Variants in EDN2 observed in about 807,000 individuals in gnomAD.
EDN2 encodes the protein endothelin 2.
EDN2 carries 10 observed loss-of-function variants against 19.9 expected under a neutral mutation model. The ratio of observed to expected loss-of-function variants is 0.50; its 90% CI spans 0.31 to 0.85. The LOEUF (loss-of-function observed/expected upper bound fraction) is 0.85. EDN2 is among the 40% of genes least tolerant of loss of function. The pLI, the probability that EDN2 is intolerant of heterozygous loss-of-function variation, is 0.05. For synonymous variants in EDN2, 84 were observed against 94.9 expected (o/e 0.89, Z 0.67); for missense variants, 222 against 239.3 (o/e 0.93, Z 0.48).
At position 41,479,359 on chromosome 1, in the gene EDN2, C is replaced by T. The variant is rs1371003177; in HGVS notation, c.*50G>A. 6.7e-6 allele frequency: 10 copies of T among 1,500,174 alleles called. No homozygotes were observed. The highest frequency in any genetic ancestry group is 9.3e-6 in the Non-Finnish European group (10 of 1,077,660). The allele number at this position is 1,500,174 out of a possible 1,614,324, so 92.9% of individuals were successfully genotyped here. On this transcript the variant is annotated 3_prime_UTR_variant, in exon 5 of 5. Transcript: ENST00000372587. ...TCCACAAGCCCTGGCCACTTCTCTCCTCCTCTCTCCCCGCGGGCTTCCTTC... is the reference window on the plus strand; with the variant it reads ...TCCACAAGCCCTGGCCACTTCTCTCTTCCTCTCTCCCCGCGGGCTTCCTTC...
chr1:41,479,646 C>G, intron 4 of EDN2, 144 bp from the exon 5 acceptor site: 1 of 683,764 alleles, frequency 1.5e-6, no homozygotes, highest in East Asian at 2.7e-5. Flanking sequence ...TGACCACAGC[C>G]TGAAAACAAG....
At chr1:41,480,648 G>C in intron 4 of EDN2, 1 of 456,108 alleles carries the variant, frequency 2.2e-6, no homozygotes, top group Non-Finnish European at 4.4e-6. Context: ...TCTTGAGTTG[G>C]TTTGGTTGAA....
Position 41,484,141 on chromosome 1 carries a change from G to A in EDN2, c.127C>T (p.His43Tyr). The A allele has an allele frequency of 6.2e-7, 1 of 1,613,624 alleles. No homozygotes were observed. The highest frequency in any genetic ancestry group is 1.1e-5 in the South Asian group (1 of 91,058). The change falls in exon 2 of 5, where the codon CAC (histidine) becomes TAC (tyrosine). Residue 43 changes from histidine to tyrosine, a missense_variant. Coordinates refer to ENST00000372587, the MANE Select transcript of EDN2 (RefSeq NM_001956.5). ...PASSSHAQGT[H>Y]LRLRRCSCSS... is the part of the protein sequence containing the mutation. Reference sequence around the variant, plus strand: ...CAGGAGCAACGGCGAAGCCGAAGGTGGGTGCCTTGGGCATGAGATGAGGAC... The same window carrying A: ...CAGGAGCAACGGCGAAGCCGAAGGTAGGTGCCTTGGGCATGAGATGAGGAC...
At position 41,479,167 on chromosome 1, in the gene EDN2, A is replaced by C; in HGVS notation, c.*242T>G. On this transcript the variant is annotated 3_prime_UTR_variant, in exon 5 of 5. Coordinates refer to ENST00000372587, the MANE Select transcript of EDN2 (RefSeq NM_001956.5). ...CCAGCAGAGCTGTGGGCCAGCAGCC[A>C]GCACTGGAGGCTGCTCCGCAGTCTG... The C allele has an allele frequency of 1.6e-6, 1 of 621,024 alleles. No individual in the cohort carries two copies. The highest frequency in any genetic ancestry group is 1.6e-5 in the South Asian group (1 of 61,604). The allele number at this position is 621,024 out of a possible 1,614,324, so 38.5% of individuals were successfully genotyped here.
Position 41,484,033 on chromosome 1 carries a change from C to T in EDN2, c.221+14G>A. The stretch of plus-strand genomic sequence containing the variant: ...CCAGAGCTCCCCCTGCCCCCAATCC[C>T]CATGGATGCTCACTCAGGAGTGTTC... On this transcript the variant is annotated intron_variant, in intron 2 of 4. Coordinates refer to ENST00000372587, the MANE Select transcript of EDN2 (RefSeq NM_001956.5). The T allele has an allele frequency of 6.3e-7, 1 of 1,587,452 alleles. No homozygotes were observed. The highest frequency in any genetic ancestry group is 1.1e-5 in the South Asian group (1 of 87,166).
chr1:41,479,476 A>C lies in EDN2; in HGVS notation c.470T>G (p.Phe157Cys). 1 of 1,614,202 alleles carries C rather than the reference A, an allele frequency of 6.2e-7. No homozygotes were observed. Residue 157 changes from phenylalanine to cysteine, a missense_variant, in exon 5 of 5, where the codon TTT becomes TGT. Physicochemically the swap from Phe to Cys is radical, Grantham distance 205. Coordinates refer to ENST00000372587, the MANE Select transcript of EDN2 (RefSeq NM_001956.5). ...CATGGCCTCCTGTTGTCGCTTGGCAAAGAGGCTCTTGACTGTGGAAATGTC... is the reference window on the plus strand; with the variant it reads ...CATGGCCTCCTGTTGTCGCTTGGCACAGAGGCTCTTGACTGTGGAAATGTC... Reference protein sequence around the residue: ...LRDISTVKSLFAKRQQEAMRE... With the variant: ...LRDISTVKSLCAKRQQEAMRE...
rs11572369 is a variant in EDN2, at chr1:41,479,672, G to A, written c.444-170C>T. Reference sequence around the variant, plus strand: ...TGAAAACAAGGTCTGCACAACCAGCGCAGGCCAGCCCAGGCGTTGAAGCTT... The same window carrying A: ...TGAAAACAAGGTCTGCACAACCAGCACAGGCCAGCCCAGGCGTTGAAGCTT... On this transcript the variant is annotated intron_variant, in intron 4 of 4. Coordinates refer to ENST00000372587, the MANE Select transcript of EDN2 (RefSeq NM_001956.5). Among the ~76,000 whole-genome samples the A allele has an allele frequency of 4.1e-3, 630 of 152,326 alleles. 3 individuals are homozygous for A. Among genetic ancestry groups the A allele is most frequent in the African/African-American group, 0.015 (612 of 41,568 alleles).
At chr1:41,484,461 G>A in intron 1 of EDN2, 77 bp downstream of exon 1, 1 of 1,517,634 alleles carries the variant, frequency 6.6e-7, no homozygotes, top group Non-Finnish European at 8.9e-7. Context: ...GGCTTGGGAG[G>A]CACTGCAGCC....
chr1:41,479,311 C>G lies in EDN2; in HGVS notation c.*98G>C. The G allele has an allele frequency of 9.4e-7, 1 of 1,063,782 alleles. No homozygotes were observed. The allele number at this position is 1,063,782 out of a possible 1,614,324, so 65.9% of individuals were successfully genotyped here. A position where few individuals can be genotyped will look rare whatever the true frequency, so the allele number is the denominator to read the frequency against. ...GTCCAGCTGTCTGGGACCAAGGCCC[C>G]GGTCCAGGAAGCAGGCAGAGAGTCC... is the stretch of plus-strand genomic sequence containing the variant. On this transcript the variant is annotated 3_prime_UTR_variant, in exon 5 of 5. Transcript: ENST00000372587.
chr1:41,484,097 C>T lies in EDN2; in HGVS notation c.171G>A (p.Lys57=). The change falls in exon 2 of 5, where the codon AAG becomes AAA. Residue 57 remains lysine, a synonymous_variant. Transcript: ENST00000372587. ...RRCSCSSWLD[K]ECVYFCHLDI... Reference sequence around the variant, plus strand: ...CCAAGTGGCAGAAGTAGACGCACTCCTTGTCGAGCCAGGAGCTGCAGGAGC... The same window carrying T: ...CCAAGTGGCAGAAGTAGACGCACTCTTTGTCGAGCCAGGAGCTGCAGGAGC... The T allele has an allele frequency of 1.2e-6, 2 of 1,613,624 alleles. No homozygotes were observed. Among genetic ancestry groups the T allele is most frequent in the Non-Finnish European group, 1.7e-6 (2 of 1,179,936 alleles).
intron 3 of EDN2, among the ~76,000 whole-genome samples, chr1:41,481,524 T>C (rs995047557): frequency 7.1e-6 from 1 of 140,774 alleles, no homozygotes; most frequent in African/African-American, 2.6e-5. Context: ...TAAACCATCA[T>C]GGGAACTGGA....
In EDN2 at chr1:41,483,433, A is replaced by G. The variant is rs11572347; in HGVS notation, c.221+614T>C. ...ATCACAAACACACACAGAAACTTCA[A>G]CTGAAGGTATGCAGTGGCCTGGAGG... On this transcript the variant is annotated intron_variant, in intron 2 of 4. Transcript: ENST00000372587. 3.7e-4 allele frequency among the ~76,000 whole-genome samples: 56 copies of G among 152,334 alleles called. No individual in the cohort carries two copies. The Middle Eastern group carries it at 0.02, about 56-fold the overall frequency.
chr1:41,482,763 C>T (rs999222933), intron 2 of EDN2, 175 bp from the exon 3 acceptor site: 1 of 769,288 alleles, frequency 1.3e-6, no homozygotes, highest in South Asian at 2.7e-5. Context: ...AGGTGACCAG[C>T]CCTTGACCTC....
intron 2 of EDN2, 164 bp downstream of exon 2, chr1:41,483,883 C>T: frequency 2.7e-6 from 2 of 731,124 alleles, no homozygotes; most frequent in South Asian, 4.1e-5. Context: ...TCAGGTGGTC[C>T]CCACTCAGGA....
chr1:41,479,574 G>A (rs758040869), intron 4 of EDN2, 72 bp from the exon 5 acceptor site: 61 of 1,317,788 alleles, frequency 4.6e-5, no homozygotes, highest in Admixed American at 1.9e-4. Context: ...ATGAGAGCAG[G>A]GGCAATGGGG....
Position 41,479,109 on chromosome 1 carries a change from C to A in EDN2, c.*300G>T. On this transcript the variant is annotated 3_prime_UTR_variant, in exon 5 of 5. Coordinates refer to ENST00000372587, the MANE Select transcript of EDN2 (RefSeq NM_001956.5). ...AGACAGGACACTCCTCAGGACGCAG[C>A]CTCCAGATGAATGTACTCCCCATGC... 1 of 460,274 alleles carries A rather than the reference C, an allele frequency of 2.2e-6. No individual in the cohort carries two copies. The allele number at this position is 460,274 out of a possible 1,614,324, so 28.5% of individuals were successfully genotyped here.
chr1:41,482,575 A>G lies in EDN2; in HGVS notation c.235T>C (p.Tyr79His). The change falls in exon 3 of 5, where the codon TAC becomes CAC. Residue 79 changes from tyrosine to histidine, a missense_variant. Tyr to His is a moderately conservative substitution (Grantham distance 83). Coordinates refer to ENST00000372587, the MANE Select transcript of EDN2 (RefSeq NM_001956.5). Reference sequence around the variant, plus strand: ...CGTCTTGGCGGGTTTCCCAGGCCGTAAGGAGCTGTCTGTCTGTGGGCGGGC... The same window carrying G: ...CGTCTTGGCGGGTTTCCCAGGCCGTGAGGAGCTGTCTGTCTGTGGGCGGGC... ...WVNTPEQTAP[Y>H]GLGNPPRRRR... is the part of the protein sequence containing the mutation. The G allele has an allele frequency of 1.9e-6, 3 of 1,583,566 alleles. No homozygotes were observed. Among genetic ancestry groups the G allele is most frequent in the Non-Finnish European group, 2.6e-6 (3 of 1,167,050 alleles).
chr1:41,484,484 A>G lies in EDN2; in HGVS notation c.64+54T>C. ...AGGCACTGCAGCCCTAGAGGGAGAC[A>G]GAGATAGGCAGACCCAGGAGCTGTA... On this transcript the variant is annotated intron_variant, in intron 1 of 4. Transcript: ENST00000372587. The G allele has an allele frequency of 6.5e-6, 10 of 1,546,206 alleles. No individual in the cohort carries two copies. The Middle Eastern group carries it at 8.4e-4, about 130-fold the overall frequency.
rs952157578 is a variant in EDN2, at chr1:41,479,177, G to T, written c.*232C>A. On this transcript the variant is annotated 3_prime_UTR_variant, in exon 5 of 5. Coordinates refer to ENST00000372587, the MANE Select transcript of EDN2 (RefSeq NM_001956.5). ...TGTGGGCCAGCAGCCAGCACTGGAG[G>T]CTGCTCCGCAGTCTGGAGGCCGAGG... 4.2e-5 allele frequency: 27 copies of T among 638,228 alleles called. No homozygotes were observed. The Admixed American group carries it at 5.7e-4, about 13-fold the overall frequency. 39.5% of individuals were successfully genotyped at this position (638,228 alleles called of 1,614,324 possible). A position where few individuals can be genotyped will look rare whatever the true frequency, so the allele number is the denominator to read the frequency against.
Sources: gnomAD v4.1 joint callset for allele counts (sites outside exome capture counted in the v4.1 genomes callset) on GRCh38, gnomAD v4.1.1 for gene constraint, MANE v1.5 for transcripts, NCBI Gene and HGNC (gene_info 2026-07-23, HGNC 2026-07-21) for gene names.